The following RALGAPA1 variants were observed in gnomAD, a reference collection of about 807,000 sequenced individuals.
RALGAPA1 encodes the protein ral GTPase-activating protein subunit alpha-1.
RALGAPA1 carries 52 observed loss-of-function variants against 269.6 expected under a neutral mutation model. The observed-to-expected ratio is 0.19, with a 90% CI of 0.15 to 0.24. The LOEUF (loss-of-function observed/expected upper bound fraction) is 0.24, where lower values mean the gene tolerates loss of function less well. Ranked by LOEUF, RALGAPA1 falls within the 10% of genes least tolerant of loss-of-function variation. The pLI, the probability that RALGAPA1 is intolerant of heterozygous loss-of-function variation, is 1.00. For missense variants in RALGAPA1, 1,917 were observed against 3,013.9 expected, an observed-to-expected ratio of 0.64 and a Z score of 8.52; for synonymous variants, 817 against 1,008.3, an observed-to-expected ratio of 0.81 and a Z score of 3.60.
intron 39 of RALGAPA1, among the ~76,000 whole-genome samples, chr14:35,550,154 C>T (rs1488037048): frequency 6.6e-6 from 1 of 152,152 alleles, no homozygotes; most frequent in Non-Finnish European, 1.5e-5. Context: ...TTCACGAAAG[C>T]AACTATGGAA....
At position 35,704,302 on chromosome 14, in the gene RALGAPA1, C is replaced by G. The variant is rs557996788; in HGVS notation, c.2267-4000G>C. 7.9e-5 allele frequency among the ~76,000 whole-genome samples: 12 copies of G among 152,202 alleles called. No individual in the cohort carries two copies. In the South Asian group the frequency reaches 1.2e-3, roughly 16 times the overall value. On this transcript the variant is annotated intron_variant, in intron 16 of 41. Transcript: ENST00000680220. ...ATAATTCTTAAATTCATTGCAATCT[C>G]TCTTATTTGTTAGCATAAGCAAAAC...
intron 11 of RALGAPA1, among the ~76,000 whole-genome samples, chr14:35,739,449 G>A (rs145983376): frequency 6.6e-6 from 1 of 152,086 alleles, no homozygotes; most frequent in African/African-American, 2.4e-5. Flanking sequence ...CCATGTCCCT[G>A]TAATCAAGTG....
At chr14:35,736,025 C>T (rs926246844) in intron 12 of RALGAPA1, among the ~76,000 whole-genome samples, 1 of 152,098 alleles carries the variant, frequency 6.6e-6, no homozygotes, top group South Asian at 2.1e-4. Flanking sequence ...TTTACAGGAT[C>T]CCTCTGGCCA....
intron 31 of RALGAPA1, among the ~76,000 whole-genome samples, chr14:35,636,681 C>T (rs1354559217): frequency 2.6e-5 from 4 of 152,026 alleles, no homozygotes; most frequent in East Asian, 1.9e-4. Flanking sequence ...CCACTGTGCC[C>T]GGCTAAGTTT....
At chr14:35,767,157 T>A in intron 4 of RALGAPA1, 1 of 194,386 alleles carries the variant, frequency 5.1e-6, no homozygotes, top group Non-Finnish European at 1.0e-5. Context: ...ATTGCCTTTA[T>A]ACTATCAAGT....
At chr14:35,751,029 A>C (rs969150436) in intron 8 of RALGAPA1, among the ~76,000 whole-genome samples, 4 of 152,218 alleles carry the variant, frequency 2.6e-5, no homozygotes, top group African/African-American at 9.6e-5. Context: ...GTTTGAAGTC[A>C]TACAAAATAT....
intron 35 of RALGAPA1, among the ~76,000 whole-genome samples, chr14:35,612,467 A>G (rs1311558881): frequency 6.6e-6 from 1 of 151,798 alleles, no homozygotes; most frequent in Non-Finnish European, 1.5e-5. Context: ...CGGAAACTAT[A>G]AAACTCATTA....
intron 31 of RALGAPA1, among the ~76,000 whole-genome samples, chr14:35,635,994 T>A (rs1322891895): frequency 6.6e-6 from 1 of 152,264 alleles, no homozygotes; most frequent in Non-Finnish European, 1.5e-5. Context: ...TCTCACTGAA[T>A]AGCCTGCCAG....
intron 17 of RALGAPA1, among the ~76,000 whole-genome samples, chr14:35,697,669 A>C (rs2067009399): frequency 6.6e-6 from 1 of 151,396 alleles, no homozygotes; most frequent in African/African-American, 2.4e-5. Flanking sequence ...TTTTTTTTTA[A>C]CAGGTTTTCT....
chr14:35,637,778 A>G (rs2061754457), intron 31 of RALGAPA1, among the ~76,000 whole-genome samples: 1 of 152,204 alleles, frequency 6.6e-6, no homozygotes. Context: ...TTAATAATCA[A>G]ACTCTCAAAG....
intron 22 of RALGAPA1, chr14:35,676,339 G>C (rs2140295978): frequency 6.6e-6 from 1 of 152,258 alleles, no homozygotes. Flanking sequence ...AGCCTACCGA[G>C]TAGCTGGGAT....
rs549322930 is a variant in RALGAPA1, at chr14:35,797,715, C to T, written c.106+11015G>A. On this transcript the variant is annotated intron_variant, in intron 1 of 41. Transcript: ENST00000680220. Reference sequence around the variant, plus strand: ...ACAAAATTAGCCGGGAGTGGTGGCACCTGCCTGTAATCCCAGCTACTCAGG... The same window carrying T: ...ACAAAATTAGCCGGGAGTGGTGGCATCTGCCTGTAATCCCAGCTACTCAGG... Among the ~76,000 whole-genome samples the T allele has an allele frequency of 2.6e-5, 4 of 151,024 alleles. No homozygotes were observed. The East Asian group carries it at 8.1e-4, about 31-fold the overall frequency.
At chr14:35,588,457 T>C (rs1341504999) in intron 37 of RALGAPA1, among the ~76,000 whole-genome samples, 3 of 152,154 alleles carry the variant, frequency 2.0e-5, no homozygotes, top group African/African-American at 7.2e-5. Context: ...TATCCTGACA[T>C]AGTTTTCTTT....
At chr14:35,784,042 G>A (rs1247208161) in intron 1 of RALGAPA1, among the ~76,000 whole-genome samples, 1 of 151,740 alleles carries the variant, frequency 6.6e-6, no homozygotes, top group Admixed American at 6.6e-5. Context: ...ATATGGCCCA[G>A]CAATTCCATT....
chr14:35,752,060 T>C lies in RALGAPA1; in HGVS notation c.766A>G (p.Ile256Val). ...TGATATAAACTGTTTTCCTTACAGA[T>C]GTTTGGAAAAATATAAGGCAAGTAA... Reference protein sequence around the residue: ...KYYLPYIFPNICKENSLYHPI... With the variant: ...KYYLPYIFPNVCKENSLYHPI... Residue 256 changes from isoleucine to valine, a missense_variant, in exon 8 of 42, where the codon ATC (isoleucine) becomes GTC (valine). By Grantham distance (29) the Ile-to-Val change is conservative (BLOSUM62 3). Transcript: ENST00000680220. The C allele has an allele frequency of 2.5e-6, 4 of 1,582,412 alleles. No individual in the cohort carries two copies. The highest frequency in any genetic ancestry group is 3.4e-6 in the Non-Finnish European group (4 of 1,169,642).
At chr14:35,552,894 T>G (rs2055161930) in intron 39 of RALGAPA1, among the ~76,000 whole-genome samples, 1 of 152,182 alleles carries the variant, frequency 6.6e-6, no homozygotes, top group Non-Finnish European at 1.5e-5. Flanking sequence ...AATCTGTAAT[T>G]CATTAATATT....
chr14:35,796,264 G>A (rs1441506123), intron 1 of RALGAPA1, among the ~76,000 whole-genome samples: 1 of 152,036 alleles, frequency 6.6e-6, no homozygotes, highest in Non-Finnish European at 1.5e-5. Flanking sequence ...AGATAGAATG[G>A]CAGATTACAT....
In RALGAPA1 at chr14:35,548,542, A is replaced by C; in HGVS notation, c.7622-4T>G. 1 of 1,566,656 alleles carries C rather than the reference A, an allele frequency of 6.4e-7. No individual in the cohort carries two copies. The highest frequency in any genetic ancestry group is 2.3e-5 in the East Asian group (1 of 43,520). The stretch of plus-strand genomic sequence containing the variant: ...AACAGAACTGATATTTAATGATCTA[A>C]AGAGGGAAAATAAATGAAACAATCA... On this transcript the variant is annotated splice_polypyrimidine_tract_variant and splice_region_variant and intron_variant, in intron 40 of 41. Coordinates refer to ENST00000680220, the MANE Select transcript of RALGAPA1 (RefSeq NM_001346249.2).
intron 31 of RALGAPA1, among the ~76,000 whole-genome samples, chr14:35,636,563 C>G (rs367981744): frequency 1.3e-5 from 2 of 152,150 alleles, no homozygotes; most frequent in Admixed American, 6.5e-5. Flanking sequence ...CTCTGTCACC[C>G]AGGCTGGAGT....
Sources: allele counts gnomAD v4.1 joint callset (sites outside exome capture counted in the v4.1 genomes callset), GRCh38; gene constraint gnomAD v4.1.1; transcripts MANE v1.5; gene names NCBI Gene and HGNC (gene_info 2026-07-23, HGNC 2026-07-21).